The following KLHDC1 variants were observed in gnomAD, a reference collection of about 807,000 sequenced individuals.
The protein encoded by KLHDC1 is kelch domain containing 1.
A neutral mutation model predicts 68.3 loss-of-function variants in KLHDC1; 53 were observed. The observed-to-expected ratio is 0.78, with a 90% CI of 0.62 to 0.98. The LOEUF (loss-of-function observed/expected upper bound fraction) is 0.98. KLHDC1 is among the 50% of genes least tolerant of loss of function. The pLI is 0.00. For missense variants in KLHDC1, 470 were observed against 492.3 expected (o/e 0.95, Z 0.43); for synonymous variants, 148 against 159.0 (o/e 0.93, Z 0.52).
At chr14:49,750,492 A>G (rs1368599823) in intron 12 of KLHDC1, among the ~76,000 whole-genome samples, 1 of 152,180 alleles carries the variant, frequency 6.6e-6, no homozygotes, top group East Asian at 1.9e-4. Flanking sequence ...AGGACATTTT[A>G]ACTCACTTCT....
chr14:49,712,857 C>G (rs552536208), intron 4 of KLHDC1, among the ~76,000 whole-genome samples: 256 of 151,878 alleles, frequency 1.7e-3, no homozygotes, highest in Non-Finnish European at 2.6e-3. Context: ...TCAGCCTGGC[C>G]TTGAACTCCT....
chr14:49,725,099 G>C (rs1010297659), intron 5 of KLHDC1, among the ~76,000 whole-genome samples: 3 of 152,150 alleles, frequency 2.0e-5, no homozygotes, highest in African/African-American at 7.2e-5. Context: ...AACTGGCACA[G>C]AGATCATCTA....
chr14:49,743,648 GC>G, intron 11 of KLHDC1, 104 bp from the exon 12 acceptor site: 1 of 686,282 alleles, frequency 1.5e-6, no homozygotes, highest in Non-Finnish European at 2.5e-6. Context: ...TTTATTTGCT[GC>G]CTTATACAAT....
intron 1 of KLHDC1, among the ~76,000 whole-genome samples, chr14:49,702,041 G>C (rs1316860004): frequency 6.6e-6 from 1 of 151,954 alleles, no homozygotes; most frequent in Non-Finnish European, 1.5e-5. Flanking sequence ...GGTGGCACAT[G>C]CCTGTAATCC....
intron 1 of KLHDC1, among the ~76,000 whole-genome samples, chr14:49,694,543 T>G (rs1401290386): frequency 1.3e-5 from 2 of 152,014 alleles, no homozygotes; most frequent in African/African-American, 4.8e-5. Flanking sequence ...TGCAATAGTA[T>G]TATGTGTAAA....
At chr14:49,740,364 G>C (rs1889031656) in intron 11 of KLHDC1, among the ~76,000 whole-genome samples, 182 bp downstream of exon 11, 1 of 151,936 alleles carries the variant, frequency 6.6e-6, no homozygotes, top group African/African-American at 2.4e-5. Flanking sequence ...TTGAGATGGA[G>C]TCTTGCTCTG....
rs139620101 is a variant in KLHDC1 at position 49,728,562 on chromosome 14, C to G, written c.568-364C>G. On this transcript the variant is annotated intron_variant, in intron 6 of 12. Coordinates refer to ENST00000359332, the MANE Select transcript of KLHDC1 (RefSeq NM_172193.3). ...GCACTGCTCACTTCTAATGGGAACT[C>G]TGTGTGTGTGAAAGAGAAACAGAGG... 2.0e-5 allele frequency among the ~76,000 whole-genome samples: 3 copies of G among 151,960 alleles called. No individual in the cohort carries two copies. In the East Asian group the frequency reaches 5.8e-4, roughly 29 times the overall value.
rs183883548 is a variant in KLHDC1 at position 49,701,680 on chromosome 14, A to T, written c.97-7479A>T. 6.8e-4 allele frequency among the ~76,000 whole-genome samples: 104 copies of T among 152,214 alleles called. 2 individuals are homozygous for T. The East Asian group carries it at 0.018, about 26-fold the overall frequency. ...GTATCAAAAAAACAAAAACAAAAAA[A>T]TACCAAAAACTGATTTTTAAACACC... On this transcript the variant is annotated intron_variant, in intron 1 of 12. Transcript: ENST00000359332.
chr14:49,704,387 G>GTTTTTT lies in KLHDC1; in HGVS notation c.97-4753_97-4748dup, dbSNP rs35067251. 1.4e-3 allele frequency among the ~76,000 whole-genome samples: 97 copies of GTTTTTT among 68,720 alleles called. 6 individuals carry two copies. Among genetic ancestry groups the GTTTTTT allele is most frequent in the African/African-American group, 1.7e-3 (27 of 15,554 alleles). The allele number at this position is 68,720 out of a possible 152,430, so 45.1% of individuals were successfully genotyped here. A position where few individuals can be genotyped will look rare whatever the true frequency, so the allele number is the denominator to read the frequency against. On this transcript the variant is annotated intron_variant, in intron 1 of 12. Transcript: ENST00000359332. ...GTCTTTTTATTTTTTTTCCTTTTCT[G>GTTTTTT]TTTTTTTTTTTTTTTTTTTTTTTTG... is the stretch of plus-strand genomic sequence containing the variant.
intron 1 of KLHDC1, among the ~76,000 whole-genome samples, chr14:49,703,517 A>G (rs970851061): frequency 6.6e-6 from 1 of 151,854 alleles, no homozygotes; most frequent in East Asian, 1.9e-4. Context: ...TAATTTTTGT[A>G]TTTGTAGTAG....
At chr14:49,730,955 A>G (rs1052225184) in intron 8 of KLHDC1, among the ~76,000 whole-genome samples, 3 of 152,056 alleles carry the variant, frequency 2.0e-5, no homozygotes, top group Non-Finnish European at 2.9e-5. Flanking sequence ...CTGGGCAATA[A>G]GAGTGAAACT....
At position 49,740,000 on chromosome 14, in the gene KLHDC1, G is replaced by A. The variant is rs181347471; in HGVS notation, c.897-98G>A. 1.6e-5 allele frequency: 10 copies of A among 643,728 alleles called. No individual in the cohort carries two copies. In the East Asian group the frequency reaches 3.0e-4, roughly 19 times the overall value. 39.9% of individuals were successfully genotyped at this position (643,728 alleles called of 1,614,324 possible). On this transcript the variant is annotated intron_variant, in intron 10 of 12. Transcript: ENST00000359332. ...AGTTCAATCGTGTCTCTTTTAAATA[G>A]ATTACATTTTAGAGTATGAAATTTA...
In KLHDC1 at chr14:49,729,007, C is replaced by A. The variant is rs368449874; in HGVS notation, c.649C>A (p.Leu217Met). The change falls in exon 7 of 13, where the codon CTG (leucine) becomes ATG (methionine). Residue 217 changes from leucine to methionine, a missense_variant and splice_region_variant. Physicochemically the swap from Leu to Met is conservative, Grantham distance 15 (BLOSUM62 2). Coordinates refer to ENST00000359332, the MANE Select transcript of KLHDC1 (RefSeq NM_172193.3). ...GGGTTATATCTTTGGCGGACGTGTT[C>A]TGGTTAGTGTTTTTAATGGAAATGG... ...NKGYIFGGRV[L>M]QTRMNDLHYL... 26 of 1,605,908 alleles carry A rather than the reference C, an allele frequency of 1.6e-5. No individual in the cohort carries two copies. Among genetic ancestry groups the A allele is most frequent in the Non-Finnish European group, 2.6e-6 (3 of 1,172,654 alleles).
chr14:49,710,318 C>T lies in KLHDC1; in HGVS notation c.341C>T (p.Thr114Ile), dbSNP rs752227205. 1 of 1,612,554 alleles carries T rather than the reference C, an allele frequency of 6.2e-7. No individual in the cohort carries two copies. The highest frequency in any genetic ancestry group is 1.1e-5 in the South Asian group (1 of 91,020). The change falls in exon 4 of 13, where the codon ACC becomes ATC. Residue 114 changes from threonine to isoleucine, a missense_variant. Thr to Ile is a moderately conservative substitution (Grantham distance 89). Coordinates refer to ENST00000359332, the MANE Select transcript of KLHDC1 (RefSeq NM_172193.3). ...RDETYIWEKI[T>I]DFEGQPPTPR... is the part of the protein sequence containing the mutation. ...GAAACCTACATTTGGGAGAAAATCA[C>T]CGACTTTGAAGGGCAACCACCTACA...
At chr14:49,719,098 T>C (rs1033258250) in intron 4 of KLHDC1, among the ~76,000 whole-genome samples, 1 of 151,992 alleles carries the variant, frequency 6.6e-6, no homozygotes, top group African/African-American at 2.4e-5. Flanking sequence ...TTCTTGATTG[T>C]TTTTCTATTC....
intron 11 of KLHDC1, among the ~76,000 whole-genome samples, chr14:49,742,585 A>G (rs1889089507): frequency 6.6e-6 from 1 of 151,930 alleles, no homozygotes; most frequent in African/African-American, 2.4e-5. Flanking sequence ...AGGCAAGAGA[A>G]TCACTTGAAC....
intron 4 of KLHDC1, among the ~76,000 whole-genome samples, chr14:49,720,109 C>G (rs950881375): frequency 1.2e-4 from 19 of 152,056 alleles, no homozygotes; most frequent in Admixed American, 2.6e-4. Flanking sequence ...GCCTCAGCCT[C>G]CTGTGTAGCT....
intron 1 of KLHDC1, among the ~76,000 whole-genome samples, chr14:49,705,422 A>G (rs932164486): frequency 6.9e-4 from 79 of 114,372 alleles, no homozygotes; most frequent in African/African-American, 2.6e-3. Flanking sequence ...AGGCTGGAGT[A>G]CAGTGGCATG....
At chr14:49,733,266 C>T (rs1888858138) in intron 9 of KLHDC1, among the ~76,000 whole-genome samples, 1 of 152,044 alleles carries the variant, frequency 6.6e-6, no homozygotes, top group Non-Finnish European at 1.5e-5. Flanking sequence ...AAGTGTTTAG[C>T]TAGGTTTTTT....
Sources: gnomAD v4.1 joint callset for allele counts (sites outside exome capture counted in the v4.1 genomes callset) on GRCh38, gnomAD v4.1.1 for gene constraint, MANE v1.5 for transcripts, NCBI Gene and HGNC (gene_info 2026-07-23, HGNC 2026-07-21) for gene names.